DPP10: variants seen among roughly 807,000 people sequenced by gnomAD.
DPP10 encodes the protein inactive dipeptidyl peptidase 10.
A neutral mutation model predicts 120.9 loss-of-function variants in DPP10; 33 were observed. The ratio of observed to expected loss-of-function variants is 0.27; its 90% CI spans 0.21 to 0.37. DPP10 has a LOEUF of 0.37. Ranked by LOEUF, DPP10 falls within the 10% of genes least tolerant of loss-of-function variation. DPP10 has a pLI of 1.00. For missense variants in DPP10, 816 were observed against 942.8 expected, an observed-to-expected ratio of 0.87 and a Z score of 1.76; for synonymous variants, 337 against 326.1, an observed-to-expected ratio of 1.03 and a Z score of -0.36.
intron 3 of DPP10, among the ~76,000 whole-genome samples, chr2:115,407,386 C>G (rs2068595156): frequency 6.6e-6 from 1 of 152,084 alleles, no homozygotes. Context: ...TAAGGATAAA[C>G]ACGAAGACCA....
intron 5 of DPP10, among the ~76,000 whole-genome samples, chr2:115,666,160 C>T (rs140839394): frequency 3.2e-3 from 493 of 152,220 alleles, no homozygotes; most frequent in Non-Finnish European, 5.2e-3. Context: ...TCCGTTTCTA[C>T]ATTAGTTCAT....
At chr2:114,649,563 A>C (rs1377172063) in intron 1 of DPP10, among the ~76,000 whole-genome samples, 2 of 152,038 alleles carry the variant, frequency 1.3e-5, no homozygotes, top group Non-Finnish European at 2.9e-5. Flanking sequence ...TGTGTTAGCC[A>C]GGATGGTCTC....
chr2:115,046,762 T>A (rs1705102775), intron 1 of DPP10, among the ~76,000 whole-genome samples: 1 of 152,066 alleles, frequency 6.6e-6, no homozygotes, highest in Non-Finnish European at 1.5e-5. Context: ...GCATTATATT[T>A]GTTAAATAAT....
chr2:115,197,937 G>A (rs1042470601), intron 1 of DPP10, among the ~76,000 whole-genome samples: 2 of 152,120 alleles, frequency 1.3e-5, no homozygotes, highest in Admixed American at 6.5e-5. Flanking sequence ...AATTTGTAGT[G>A]TATCTCTGGA....
intron 1 of DPP10, among the ~76,000 whole-genome samples, chr2:115,129,124 C>T (rs899787098): frequency 6.6e-6 from 1 of 152,188 alleles, no homozygotes; most frequent in African/African-American, 2.4e-5. Context: ...ATTTCAAACT[C>T]AGGCTTCCTG....
intron 21 of DPP10, among the ~76,000 whole-genome samples, chr2:115,830,857 G>C (rs1688845878): frequency 6.6e-6 from 1 of 152,064 alleles, no homozygotes; most frequent in Non-Finnish European, 1.5e-5. Context: ...GAATATGAAA[G>C]CTTCTTAAAA....
intron 2 of DPP10, among the ~76,000 whole-genome samples, chr2:115,325,610 C>A (rs2062314486): frequency 1.3e-5 from 2 of 151,992 alleles, no homozygotes; most frequent in African/African-American, 2.4e-5. Flanking sequence ...TAAAATTAGA[C>A]ATTGCAAATA....
At chr2:115,175,100 C>T (rs891661600) in intron 1 of DPP10, among the ~76,000 whole-genome samples, 1 of 152,236 alleles carries the variant, frequency 6.6e-6, no homozygotes, top group South Asian at 2.1e-4. Context: ...TTAGAAACTG[C>T]CCTTAGGGAG....
At chr2:115,389,676 C>T (rs1294452635) in intron 3 of DPP10, among the ~76,000 whole-genome samples, 1 of 152,160 alleles carries the variant, frequency 6.6e-6, no homozygotes, top group Non-Finnish European at 1.5e-5. Context: ...ATAACACCCA[C>T]TAGCAGCAAA....
At chr2:115,334,230 G>GTTTTTTTTTTTTTTTTT in intron 2 of DPP10, among the ~76,000 whole-genome samples, 606 of 56,338 alleles carry the variant, frequency 0.011, 172 homozygotes, top group Non-Finnish European at 0.019. Context: ...AGCAGACTCT[G>GTTTTTTTTTTTTTTTTT]TTTTTTTTTT....
At chr2:115,465,264 C>T (rs1173348066) in intron 3 of DPP10, among the ~76,000 whole-genome samples, 1 of 152,006 alleles carries the variant, frequency 6.6e-6, no homozygotes, top group Non-Finnish European at 1.5e-5. Flanking sequence ...TCTTTTAAAA[C>T]ACACGGTTAT....
At chr2:114,718,086 C>CAA (rs200232528) in intron 1 of DPP10, among the ~76,000 whole-genome samples, 14 of 142,452 alleles carry the variant, frequency 9.8e-5, no homozygotes, top group African/African-American at 3.6e-4. Context: ...AAAATAATAA[C>CAA]AAAAAAAAAA....
At chr2:115,360,149 G>C (rs925308816) in intron 3 of DPP10, among the ~76,000 whole-genome samples, 1 of 152,186 alleles carries the variant, frequency 6.6e-6, no homozygotes, top group Non-Finnish European at 1.5e-5. Context: ...GAGTGCTAGT[G>C]TGATTGTTTT....
intron 3 of DPP10, among the ~76,000 whole-genome samples, chr2:115,365,351 A>T (rs539151395): frequency 2.0e-5 from 3 of 151,994 alleles, no homozygotes; most frequent in African/African-American, 7.2e-5. Context: ...ACTCTCACAG[A>T]GGAACATTTT....
At chr2:114,955,873 G>A (rs1219233567) in intron 1 of DPP10, among the ~76,000 whole-genome samples, 1 of 152,048 alleles carries the variant, frequency 6.6e-6, no homozygotes. Context: ...CACAGAAAAA[G>A]CATTTGACAA....
intron 3 of DPP10, among the ~76,000 whole-genome samples, chr2:115,371,439 A>G (rs530240829): frequency 9.9e-4 from 151 of 152,302 alleles, no homozygotes; most frequent in African/African-American, 3.5e-3. Flanking sequence ...AGCTCTTTAT[A>G]AAACACCACT....
At chr2:115,607,201 G>A (rs571458117) in intron 5 of DPP10, among the ~76,000 whole-genome samples, 9 of 152,296 alleles carry the variant, frequency 5.9e-5, no homozygotes, top group Middle Eastern at 3.4e-3. Context: ...CAAAGAAGGT[G>A]TGCTTATCAT....
chr2:115,758,472 A>C (rs1459659461), intron 11 of DPP10, among the ~76,000 whole-genome samples: 1 of 152,152 alleles, frequency 6.6e-6, no homozygotes, highest in Non-Finnish European at 1.5e-5. Flanking sequence ...AATGGAAGCT[A>C]TTCCATGTTT....
chr2:115,310,865 G>A (rs1344664108), intron 2 of DPP10, among the ~76,000 whole-genome samples: 1 of 152,168 alleles, frequency 6.6e-6, no homozygotes, highest in Non-Finnish European at 1.5e-5. Flanking sequence ...CATAATCCCT[G>A]TGTATTTCTC....
Sources: allele counts gnomAD v4.1 joint callset (sites outside exome capture counted in the v4.1 genomes callset), GRCh38; gene constraint gnomAD v4.1.1; transcripts MANE v1.5; gene names NCBI Gene and HGNC (gene_info 2026-07-23, HGNC 2026-07-21).